Variants in LTBP1 observed in about 807,000 individuals in gnomAD.
The protein encoded by LTBP1 is latent-transforming growth factor beta-binding protein 1.
Under a neutral mutation model 207.6 loss-of-function variants are expected in LTBP1, and 129 were observed. The ratio of observed to expected loss-of-function variants is 0.62; its 90% confidence interval spans 0.54 to 0.72. LTBP1 has a LOEUF of 0.72. Ranked by LOEUF, LTBP1 falls within the 30% of genes least tolerant of loss-of-function variation. The pLI, the probability that LTBP1 is intolerant of heterozygous loss-of-function variation, is 0.00. For synonymous variants in LTBP1, 963 were observed against 833.7 expected, an observed-to-expected ratio of 1.16 and a Z score of -2.67; for missense variants, 2,281 against 2,217.2, an observed-to-expected ratio of 1.03 and a Z score of -0.58.
rs1038692881 is a variant in LTBP1, at chr2:33,300,432, G to A, written c.3236-19G>A. 4 of 1,609,990 alleles carry A rather than the reference G, an allele frequency of 2.5e-6. No individual in the cohort carries two copies. The African/African-American group carries it at 5.3e-5, about 22-fold the overall frequency. ...GGGTAGTCTCTTTTTCAGAAAAATT[G>A]CCGTTGTTGTGTTTGCAGATATTGA... is the stretch of plus-strand genomic sequence containing the variant. On this transcript the variant is annotated intron_variant, in intron 20 of 33. Transcript: ENST00000404816.
chr2:33,146,861 C>G (rs1052216423), intron 5 of LTBP1, among the ~76,000 whole-genome samples: 1 of 152,210 alleles, frequency 6.6e-6, no homozygotes, highest in African/African-American at 2.4e-5. Flanking sequence ...CCCTCCTGGG[C>G]CCGGGGATTA....
intron 7 of LTBP1, among the ~76,000 whole-genome samples, chr2:33,198,279 G>A (rs1042711011): frequency 6.6e-6 from 1 of 152,182 alleles, no homozygotes; most frequent in African/African-American, 2.4e-5. Context: ...GCTTTTTGAT[G>A]TGCTGCTGGA....
chr2:32,960,912 C>G (rs1477364085), intron 2 of LTBP1, among the ~76,000 whole-genome samples: 1 of 152,034 alleles, frequency 6.6e-6, no homozygotes, highest in Non-Finnish European at 1.5e-5. Flanking sequence ...GGTTGGATCC[C>G]AAGTCAAGTC....
intron 2 of LTBP1, among the ~76,000 whole-genome samples, chr2:32,987,655 G>T (rs1391461210): frequency 7.2e-5 from 11 of 152,124 alleles, no homozygotes; most frequent in Non-Finnish European, 5.9e-5. Context: ...TAAGATGCTT[G>T]GTCTAATATC....
At chr2:32,962,079 A>G (rs1027327782) in intron 2 of LTBP1, among the ~76,000 whole-genome samples, 5 of 152,210 alleles carry the variant, frequency 3.3e-5, no homozygotes, top group African/African-American at 1.2e-4. Flanking sequence ...TTGTCTTGAA[A>G]AATGGAATGC....
At chr2:33,344,569 G>T (rs1034828588) in intron 25 of LTBP1, among the ~76,000 whole-genome samples, 3 of 152,104 alleles carry the variant, frequency 2.0e-5, no homozygotes, top group Non-Finnish European at 4.4e-5. Flanking sequence ...GAAGACTGAG[G>T]TTCAGTGTCA....
chr2:33,206,468 C>T (rs1170950506), intron 7 of LTBP1, among the ~76,000 whole-genome samples: 2 of 152,136 alleles, frequency 1.3e-5, no homozygotes, highest in Non-Finnish European at 2.9e-5. Flanking sequence ...AGGCCAGGCA[C>T]AGTGGCTCAC....
At chr2:33,099,954 C>T (rs2079624533) in intron 3 of LTBP1, among the ~76,000 whole-genome samples, 1 of 152,186 alleles carries the variant, frequency 6.6e-6, no homozygotes, top group African/African-American at 2.4e-5. Context: ...AACCAAAATC[C>T]ATGACTGTCT....
intron 8 of LTBP1, among the ~76,000 whole-genome samples, chr2:33,218,764 T>G (rs1261286046): frequency 6.6e-6 from 1 of 152,200 alleles, no homozygotes; most frequent in Non-Finnish European, 1.5e-5. Flanking sequence ...TTCATCATGT[T>G]TTTGCCAAGA....
Position 33,399,295 on chromosome 2 carries a change from T to A in LTBP1, c.*750T>A, listed in dbSNP as rs1292070349. 1 of 152,218 alleles carries A rather than the reference T, an allele frequency of 6.6e-6. No homozygotes were observed. The highest frequency in any genetic ancestry group is 6.5e-5 in the Admixed American group (1 of 15,282). 9.4% of individuals were successfully genotyped at this position (152,218 alleles called of 1,614,324 possible). A position where few individuals can be genotyped will look rare whatever the true frequency, so the allele number is the denominator to read the frequency against. ...GTAAAGTAAGCCCAACAAAAATTTT[T>A]AAAAATTTGATGATCCCCAATATAT... On this transcript the variant is annotated 3_prime_UTR_variant, in exon 34 of 34. Transcript: ENST00000404816.
chr2:33,277,417 C>T (rs2148465419), intron 18 of LTBP1, among the ~76,000 whole-genome samples: 1 of 152,240 alleles, frequency 6.6e-6, no homozygotes, highest in South Asian at 2.1e-4. Flanking sequence ...CTCACCACGC[C>T]CACAGTAACT....
At chr2:33,159,762 T>G (rs1337860649) in intron 5 of LTBP1, among the ~76,000 whole-genome samples, 1 of 152,228 alleles carries the variant, frequency 6.6e-6, no homozygotes, top group African/African-American at 2.4e-5. Flanking sequence ...CTGAGTACCT[T>G]CTGTGTACTC....
intron 2 of LTBP1, among the ~76,000 whole-genome samples, chr2:32,949,565 A>C (rs1168960824): frequency 1.3e-5 from 2 of 152,252 alleles, no homozygotes; most frequent in African/African-American, 4.8e-5. Context: ...AGATTTCAGA[A>C]CACTGGAAAA....
intron 3 of LTBP1, among the ~76,000 whole-genome samples, chr2:33,081,095 A>G (rs556095042): frequency 6.7e-6 from 1 of 149,804 alleles, no homozygotes; most frequent in African/African-American, 2.4e-5. Context: ...CAAAGGGGGT[A>G]TGATCTAATA....
intron 5 of LTBP1, among the ~76,000 whole-genome samples, chr2:33,179,042 C>A (rs13417478): frequency 4.3e-5 from 6 of 139,490 alleles, no homozygotes; most frequent in African/African-American, 1.5e-4. Context: ...TGCCTGGCCC[C>A]CAGCATGCTT....
At chr2:33,034,443 T>G (rs1483943236) in intron 3 of LTBP1, among the ~76,000 whole-genome samples, 1 of 152,186 alleles carries the variant, frequency 6.6e-6, no homozygotes, top group Non-Finnish European at 1.5e-5. Flanking sequence ...GTATATCAAC[T>G]ATTTATAAAC....
At chr2:33,086,853 T>G (rs555330842) in intron 3 of LTBP1, among the ~76,000 whole-genome samples, 1 of 152,192 alleles carries the variant, frequency 6.6e-6, no homozygotes, top group Admixed American at 6.5e-5. Flanking sequence ...CAAAGGAAAA[T>G]AAACTAACAC....
chr2:33,179,297 T>G (rs2086385634), intron 5 of LTBP1, among the ~76,000 whole-genome samples: 1 of 152,174 alleles, frequency 6.6e-6, no homozygotes, highest in African/African-American at 2.4e-5. Context: ...GCCAAAAGAT[T>G]GGAAACCCCT....
At chr2:33,068,343 A>G (rs1220179544) in intron 3 of LTBP1, among the ~76,000 whole-genome samples, 1 of 151,964 alleles carries the variant, frequency 6.6e-6, no homozygotes, top group East Asian at 1.9e-4. Flanking sequence ...TATAGTCCAT[A>G]TACTCCCTGC....
Sources: gnomAD v4.1 joint callset for allele counts (sites outside exome capture counted in the v4.1 genomes callset) on GRCh38, gnomAD v4.1.1 for gene constraint, MANE v1.5 for transcripts, NCBI Gene and HGNC (gene_info 2026-07-23, HGNC 2026-07-21) for gene names.